CEP85L: variants seen among roughly 807,000 people sequenced by gnomAD.
CEP85L encodes centrosomal protein 85L, also known as centrosomal protein of 85 kDa-like.
A neutral mutation model predicts 100.3 loss-of-function variants in CEP85L; 60 were observed. The ratio of observed to expected loss-of-function variants is 0.60; its 90% CI spans 0.49 to 0.74. The LOEUF is 0.74. Ranked by LOEUF, CEP85L falls within the 30% of genes least tolerant of loss-of-function variation. CEP85L has a pLI of 0.00. For missense variants in CEP85L, 973 were observed against 936.2 expected (o/e 1.04, Z -0.51); for synonymous variants, 319 against 322.7 (o/e 0.99, Z 0.12).
chr6:118,496,512 G>A lies in CEP85L; in HGVS notation c.1258-4647C>T, dbSNP rs184240742. Among the ~76,000 whole-genome samples the A allele has an allele frequency of 2.6e-5, 4 of 152,158 alleles. No homozygotes were observed. In the East Asian group the frequency reaches 7.7e-4, roughly 29 times the overall value. ...TGGGATTACAGGCATGCGCCACCAA[G>A]CCCGGCTAATTTTTGTACTTTTAGT... On this transcript the variant is annotated intron_variant, in intron 5 of 12. Coordinates refer to ENST00000368491, the MANE Select transcript of CEP85L (RefSeq NM_001042475.3).
chr6:118,570,812 C>A (rs1300320962), intron 2 of CEP85L, among the ~76,000 whole-genome samples: 1 of 152,040 alleles, frequency 6.6e-6, no homozygotes, highest in African/African-American at 2.4e-5. Context: ...TCAACCATAA[C>A]CAGTATCTGA....
At chr6:118,494,540 C>T (rs796760398) in intron 5 of CEP85L, among the ~76,000 whole-genome samples, 1 of 152,164 alleles carries the variant, frequency 6.6e-6, no homozygotes, top group African/African-American at 2.4e-5. Context: ...TTGGCCTTCC[C>T]TGTGGAAATA....
upstream of CEP85L, among the ~76,000 whole-genome samples, chr6:118,654,151 T>G (rs189185142): frequency 6.6e-6 from 1 of 152,204 alleles, no homozygotes; most frequent in Admixed American, 6.5e-5. Context: ...CAGTCACTCA[T>G]GCCTGTAATC....
chr6:118,479,923 TA>T lies in CEP85L; in HGVS notation c.1864-3del. The T allele has an allele frequency of 7.1e-7, 1 of 1,399,348 alleles. No homozygotes were observed. The highest frequency in any genetic ancestry group is 9.9e-7 in the Non-Finnish European group (1 of 1,013,408). 86.7% of individuals were successfully genotyped at this position (1,399,348 alleles called of 1,614,324 possible). On this transcript the variant is annotated splice_region_variant and splice_polypyrimidine_tract_variant and intron_variant, in intron 9 of 12. Transcript: ENST00000368491. ...CTCATCTTGTTGGCTGTCTATTATCTAAAACAAAATAAATACATCTGATTCA... is the reference window on the plus strand; with the variant it reads ...CTCATCTTGTTGGCTGTCTATTATCTAAACAAAATAAATACATCTGATTCA...
At chr6:118,647,682 A>T (rs1463498021) in intron 1 of CEP85L, among the ~76,000 whole-genome samples, 1 of 152,182 alleles carries the variant, frequency 6.6e-6, no homozygotes, top group African/African-American at 2.4e-5. Flanking sequence ...TTTTAAAAAA[A>T]TTATTTACGA....
chr6:118,702,707 C>G (rs1321470004), intron 1 of CEP85L, among the ~76,000 whole-genome samples: 1 of 151,876 alleles, frequency 6.6e-6, no homozygotes, highest in Non-Finnish European at 1.5e-5. Flanking sequence ...TCATCAAGAG[C>G]TGGAGTTGGC....
chr6:118,538,716 TAGA>T (rs1240376642), intron 3 of CEP85L, among the ~76,000 whole-genome samples: 1 of 151,970 alleles, frequency 6.6e-6, no homozygotes, highest in East Asian at 1.9e-4. Context: ...GCAAATCAAT[TAGA>T]AGATTAGGTA....
intron 4 of CEP85L, among the ~76,000 whole-genome samples, chr6:118,520,622 A>G (rs1201092954): frequency 6.6e-6 from 1 of 152,230 alleles, no homozygotes; most frequent in Non-Finnish European, 1.5e-5. Flanking sequence ...ATAGTGCAAC[A>G]GAACACTAGA....
chr6:118,558,902 C>A, intron 3 of CEP85L: 2 of 1,610,416 alleles, frequency 1.2e-6, no homozygotes, highest in Non-Finnish European at 1.7e-6. Context: ...AAACTTCAGA[C>A]TTCCTGTCCT....
At chr6:118,600,761 T>A (rs1781742691) in intron 2 of CEP85L, among the ~76,000 whole-genome samples, 1 of 151,478 alleles carries the variant, frequency 6.6e-6, no homozygotes, top group Non-Finnish European at 1.5e-5. Context: ...ATTTCTAGAA[T>A]TTTGTCATTT....
chr6:118,498,669 G>A (rs1775083149), intron 5 of CEP85L, among the ~76,000 whole-genome samples: 2 of 151,298 alleles, frequency 1.3e-5, no homozygotes, highest in South Asian at 4.2e-4. Flanking sequence ...GAGGGAGGGA[G>A]GGAAGGAGGG....
chr6:118,675,368 C>CT (rs1239571607), intron 1 of CEP85L, among the ~76,000 whole-genome samples: 1 of 151,826 alleles, frequency 6.6e-6, no homozygotes. Flanking sequence ...TTGCTAATGA[C>CT]TATGGGGTTT....
At chr6:118,611,824 C>A (rs1156416588) in intron 2 of CEP85L, among the ~76,000 whole-genome samples, 1 of 152,104 alleles carries the variant, frequency 6.6e-6, no homozygotes, top group Non-Finnish European at 1.5e-5. Flanking sequence ...AATGTCTACA[C>A]ACCAAACAAT....
At chr6:118,676,902 A>T (rs1404412997) in intron 1 of CEP85L, among the ~76,000 whole-genome samples, 1 of 152,156 alleles carries the variant, frequency 6.6e-6, no homozygotes, top group African/African-American at 2.4e-5. Flanking sequence ...GTAAGACGAT[A>T]TCTCATTGTG....
Position 118,661,878 on chromosome 6 carries a change from G to C in CEP85L, c.-27-9070C>G, listed in dbSNP as rs539186017. On this transcript the variant is annotated intron_variant, in intron 1 of 13. Transcript: ENST00000368488. ...TAAAGCCACCTCATAAACCAATGAC[G>C]TTGTATCACGAAATGACTTTTAAGT... 4.6e-5 allele frequency among the ~76,000 whole-genome samples: 7 copies of C among 152,306 alleles called. No individual in the cohort carries two copies. In the South Asian group the frequency reaches 1.5e-3, roughly 32 times the overall value.
intron 1 of CEP85L, among the ~76,000 whole-genome samples, chr6:118,707,287 C>A (rs896729134): frequency 6.6e-6 from 1 of 151,634 alleles, no homozygotes; most frequent in South Asian, 2.1e-4. Flanking sequence ...ACTTCCCAGG[C>A]TCAGATGATC....
chr6:118,632,965 AC>A (rs1425403699), intron 1 of CEP85L, among the ~76,000 whole-genome samples: 2 of 152,224 alleles, frequency 1.3e-5, no homozygotes, highest in African/African-American at 4.8e-5. Context: ...GATTATACAT[AC>A]ATGCGTTAGC....
At chr6:118,644,778 A>T (rs1775076393) in intron 1 of CEP85L, among the ~76,000 whole-genome samples, 2 of 151,976 alleles carry the variant, frequency 1.3e-5, no homozygotes, top group Admixed American at 1.3e-4. Context: ...ATCCAATCTA[A>T]CCATTCTAAC....
intron 3 of CEP85L, among the ~76,000 whole-genome samples, chr6:118,527,070 C>T (rs1375618313): frequency 7.4e-6 from 1 of 134,480 alleles, no homozygotes; most frequent in Admixed American, 8.4e-5. Context: ...GGCTGGAGTG[C>T]GATGGCGCGA....
Sources: allele counts gnomAD v4.1 joint callset (sites outside exome capture counted in the v4.1 genomes callset), GRCh38; gene constraint gnomAD v4.1.1; transcripts MANE v1.5; gene names NCBI Gene and HGNC (gene_info 2026-07-23, HGNC 2026-07-21).